Variants in ZNF804B observed in about 807,000 individuals in gnomAD.
The protein encoded by ZNF804B is zinc finger protein 804B, also known as zinc finger 804B.
A neutral mutation model predicts 101.4 loss-of-function variants in ZNF804B; 80 were observed. The observed-to-expected ratio is 0.79, with a 90% CI of 0.66 to 0.95. ZNF804B has a LOEUF of 0.95. ZNF804B is among the 40% of genes least tolerant of loss of function. The pLI, the probability that ZNF804B is intolerant of heterozygous loss-of-function variation, is 0.00. For missense variants in ZNF804B, 1,673 were observed against 1,561.9 expected (o/e 1.07, Z -1.20); for synonymous variants, 622 against 558.8 (o/e 1.11, Z -1.59).
intron 2 of ZNF804B, among the ~76,000 whole-genome samples, chr7:89,300,057 CT>C (rs1326113098): frequency 6.6e-6 from 1 of 151,520 alleles, no homozygotes; most frequent in East Asian, 2.0e-4. Flanking sequence ...CCATCTCCTG[CT>C]TGATTATTTC....
intron 1 of ZNF804B, among the ~76,000 whole-genome samples, chr7:89,036,741 T>C (rs1788935206): frequency 6.6e-6 from 1 of 152,138 alleles, no homozygotes; most frequent in Non-Finnish European, 1.5e-5. Flanking sequence ...AACTTGGATG[T>C]TGGACACATT....
At chr7:89,155,930 T>TTC (rs1790953003) in intron 1 of ZNF804B, among the ~76,000 whole-genome samples, 1 of 149,386 alleles carries the variant, frequency 6.7e-6, no homozygotes, top group Admixed American at 6.8e-5. Flanking sequence ...TTCCCTTGCT[T>TTC]TCCCTTTCTC....
intron 1 of ZNF804B, among the ~76,000 whole-genome samples, chr7:88,908,009 A>G (rs1259633555): frequency 6.6e-6 from 1 of 151,862 alleles, no homozygotes; most frequent in Non-Finnish European, 1.5e-5. Context: ...TCTTGCTGAG[A>G]TTCCTTAGTT....
intron 1 of ZNF804B, among the ~76,000 whole-genome samples, chr7:89,122,152 T>C (rs1384483610): frequency 1.3e-5 from 2 of 152,144 alleles, no homozygotes; most frequent in African/African-American, 2.4e-5. Context: ...CTGTCTGATA[T>C]GACAGCCATT....
intron 2 of ZNF804B, among the ~76,000 whole-genome samples, chr7:89,228,330 A>T (rs10250104): frequency 6.6e-6 from 1 of 152,038 alleles, no homozygotes. Context: ...CTGCTGGCTC[A>T]GGCAGCCTGC....
At chr7:88,889,720 G>C (rs1248412541) in intron 1 of ZNF804B, among the ~76,000 whole-genome samples, 1 of 147,188 alleles carries the variant, frequency 6.8e-6, no homozygotes, top group Non-Finnish European at 1.5e-5. Context: ...CTGCCATTCT[G>C]TAAGTTACCT....
rs76245356 is a variant in ZNF804B at position 89,241,893 on chromosome 7, C to CT, written c.249+23612dup. On this transcript the variant is annotated intron_variant, in intron 2 of 3. Coordinates refer to ENST00000333190, the MANE Select transcript of ZNF804B (RefSeq NM_181646.5). ...GGTTATTGGAAGAGTCTACCTTTTT[C>CT]TTTTTTTTTTTTTTCTCTTAAAGGA... Among the ~76,000 whole-genome samples, 895 of 133,520 alleles carry CT rather than the reference C, an allele frequency of 6.7e-3. 7 individuals are homozygous for CT. The highest frequency in any genetic ancestry group is 0.02 in the African/African-American group (725 of 36,836). The allele number at this position is 133,520 out of a possible 152,430, so 87.6% of individuals were successfully genotyped here. A position where few individuals can be genotyped will look rare whatever the true frequency, so the allele number is the denominator to read the frequency against.
At chr7:88,810,232 T>C (rs1372830897) in intron 1 of ZNF804B, among the ~76,000 whole-genome samples, 1 of 152,128 alleles carries the variant, frequency 6.6e-6, no homozygotes, top group Non-Finnish European at 1.5e-5. Flanking sequence ...CCTTGTATTA[T>C]AATTATGGTT....
At chr7:88,770,652 C>T (rs1230938173) in intron 1 of ZNF804B, among the ~76,000 whole-genome samples, 1 of 152,116 alleles carries the variant, frequency 6.6e-6, no homozygotes, top group Non-Finnish European at 1.5e-5. Flanking sequence ...GTGATTTCTT[C>T]TCCTGTGAGA....
chr7:88,840,592 A>C (rs1045270807), intron 1 of ZNF804B, among the ~76,000 whole-genome samples: 11 of 103,970 alleles, frequency 1.1e-4, no homozygotes, highest in African/African-American at 4.6e-4. Flanking sequence ...AAAATACTTA[A>C]CTCAACTTCA....
intron 1 of ZNF804B, among the ~76,000 whole-genome samples, chr7:89,137,051 A>G (rs968946759): frequency 8.6e-5 from 13 of 151,988 alleles, no homozygotes; most frequent in Non-Finnish European, 1.9e-4. Flanking sequence ...ACATGGAACT[A>G]TAAGTCCAAT....
intron 1 of ZNF804B, among the ~76,000 whole-genome samples, chr7:89,067,419 A>G (rs1170093562): frequency 6.6e-6 from 1 of 152,192 alleles, no homozygotes; most frequent in African/African-American, 2.4e-5. Context: ...TTCATTATAT[A>G]TGTACAAACT....
At chr7:88,907,729 C>T (rs1792494580) in intron 1 of ZNF804B, among the ~76,000 whole-genome samples, 1 of 151,870 alleles carries the variant, frequency 6.6e-6, no homozygotes, top group Non-Finnish European at 1.5e-5. Flanking sequence ...CACATTTTTA[C>T]AAAATATGGA....
intron 1 of ZNF804B, chr7:88,794,915 C>A (rs1429705170): frequency 6.2e-7 from 1 of 1,600,690 alleles, no homozygotes; most frequent in Non-Finnish European, 8.5e-7. Context: ...CTTTTGCTGC[C>A]CTTCTGGTTA....
chr7:89,030,846 G>A (rs1376709421), intron 1 of ZNF804B, among the ~76,000 whole-genome samples: 1 of 151,960 alleles, frequency 6.6e-6, no homozygotes, highest in Non-Finnish European at 1.5e-5. Context: ...GTTTCTCCCT[G>A]CAATATTATG....
intron 1 of ZNF804B, among the ~76,000 whole-genome samples, chr7:89,032,996 A>G (rs1788862178): frequency 6.6e-6 from 1 of 151,760 alleles, no homozygotes; most frequent in Admixed American, 6.6e-5. Context: ...ATATACAATA[A>G]ATTATTTATG....
intron 1 of ZNF804B, among the ~76,000 whole-genome samples, chr7:88,871,411 C>T (rs1791821518): frequency 6.6e-6 from 1 of 151,636 alleles, no homozygotes; most frequent in Non-Finnish European, 1.5e-5. Flanking sequence ...AAAAAAAAGG[C>T]ACTACAAAAA....
At chr7:89,241,345 T>C (rs986731660) in intron 2 of ZNF804B, among the ~76,000 whole-genome samples, 2 of 152,038 alleles carry the variant, frequency 1.3e-5, no homozygotes, top group East Asian at 3.9e-4. Flanking sequence ...ATAACAACCT[T>C]TGTTGGTGCT....
Position 88,973,677 on chromosome 7 carries a change from A to T in ZNF804B, c.108+213593A>T, listed in dbSNP as rs528831989. 1.5e-4 allele frequency among the ~76,000 whole-genome samples: 22 copies of T among 151,402 alleles called. 1 individual carries two copies. Among genetic ancestry groups the T allele is most frequent in the African/African-American group, 4.6e-4 (19 of 41,444 alleles). On this transcript the variant is annotated intron_variant, in intron 1 of 3. Coordinates refer to ENST00000333190, the MANE Select transcript of ZNF804B (RefSeq NM_181646.5). ...TATGCTACAGTGACCTATGCTTTTG[A>T]TCTTGGGAGAAAAGGTGTATTTTAT... is the stretch of plus-strand genomic sequence containing the variant.
Sources: gnomAD v4.1 joint callset for allele counts (sites outside exome capture counted in the v4.1 genomes callset) on GRCh38, gnomAD v4.1.1 for gene constraint, MANE v1.5 for transcripts, NCBI Gene and HGNC (gene_info 2026-07-23, HGNC 2026-07-21) for gene names.